The following ARL15 variants were observed in gnomAD, a reference collection of about 807,000 sequenced individuals.
The protein encoded by ARL15 is ADP-ribosylation factor-like protein 15.
A neutral mutation model predicts 25.2 loss-of-function variants in ARL15; 19 were observed. The observed-to-expected ratio is 0.75, with a 90% confidence interval of 0.53 to 1.10. The LOEUF (loss-of-function observed/expected upper bound fraction) is 1.10, where lower values mean the gene tolerates loss of function less well. ARL15 is among the 50% of genes least tolerant of loss of function. The pLI, the probability that ARL15 is intolerant of heterozygous loss-of-function variation, is 0.00. For synonymous variants in ARL15, 94 were observed against 86.8 expected (o/e 1.08, Z -0.46); for missense variants, 220 against 246.0 (o/e 0.89, Z 0.71).
intron 1 of ARL15, among the ~76,000 whole-genome samples, chr5:54,263,443 T>C (rs906982800): frequency 2.0e-5 from 3 of 152,096 alleles, no homozygotes; most frequent in African/African-American, 7.2e-5. Flanking sequence ...AATCACATAA[T>C]TTAAAAAGAT....
chr5:54,269,676 C>T (rs1481270222), intron 1 of ARL15, among the ~76,000 whole-genome samples: 2 of 152,082 alleles, frequency 1.3e-5, no homozygotes, highest in African/African-American at 4.8e-5. Flanking sequence ...GACGGTGTCT[C>T]GCACTGTCGC....
At chr5:53,991,268 A>G (rs976383689) in intron 4 of ARL15, among the ~76,000 whole-genome samples, 3 of 152,006 alleles carry the variant, frequency 2.0e-5, no homozygotes, top group Admixed American at 2.0e-4. Context: ...CAGGCCATGT[A>G]CGGTGGCTCA....
At chr5:54,292,561 T>C (rs1011324495) in intron 1 of ARL15, among the ~76,000 whole-genome samples, 1 of 152,198 alleles carries the variant, frequency 6.6e-6, no homozygotes, top group Non-Finnish European at 1.5e-5. Context: ...ACAGTTTGCA[T>C]TTCTGAGGGC....
At chr5:54,154,043 A>T (rs1371062796) in intron 3 of ARL15, among the ~76,000 whole-genome samples, 2 of 152,200 alleles carry the variant, frequency 1.3e-5, no homozygotes, top group African/African-American at 2.4e-5. Context: ...CATAAAACAC[A>T]ACCAAAAAAT....
intron 4 of ARL15, among the ~76,000 whole-genome samples, chr5:53,966,853 T>A (rs1259732094): frequency 6.6e-6 from 1 of 152,156 alleles, no homozygotes; most frequent in Non-Finnish European, 1.5e-5. Context: ...CATGCAGAAA[T>A]CTGTCCTCAG....
At chr5:54,268,219 A>G (rs1258461665) in intron 1 of ARL15, among the ~76,000 whole-genome samples, 2 of 151,590 alleles carry the variant, frequency 1.3e-5, no homozygotes, top group Admixed American at 1.3e-4. Context: ...CATTCATTTC[A>G]TCTTCCATCA....
intron 1 of ARL15, among the ~76,000 whole-genome samples, chr5:54,189,283 T>G (rs1331016235): frequency 6.6e-6 from 1 of 152,162 alleles, no homozygotes; most frequent in South Asian, 2.1e-4. Flanking sequence ...CTAAATAATT[T>G]TTTTATGGAA....
chr5:54,105,676 G>C (rs145064044), intron 4 of ARL15, among the ~76,000 whole-genome samples: 4 of 151,950 alleles, frequency 2.6e-5, no homozygotes, highest in Admixed American at 2.6e-4. Context: ...TCCACCTCCC[G>C]AGTTCAAGCA....
At chr5:54,269,709 G>C (rs771545825) in intron 1 of ARL15, among the ~76,000 whole-genome samples, 1 of 152,078 alleles carries the variant, frequency 6.6e-6, no homozygotes, top group Non-Finnish European at 1.5e-5. Flanking sequence ...GCGGTGGCGC[G>C]ATCTCGGCCC....
chr5:54,041,164 C>A (rs1224177822), intron 4 of ARL15, among the ~76,000 whole-genome samples: 2 of 152,190 alleles, frequency 1.3e-5, no homozygotes, highest in Non-Finnish European at 2.9e-5. Flanking sequence ...TCAGTCTCAT[C>A]AAATTGTGTA....
intron 1 of ARL15, among the ~76,000 whole-genome samples, chr5:54,292,700 G>GA (rs1404551751): frequency 6.6e-6 from 1 of 151,790 alleles, no homozygotes; most frequent in Non-Finnish European, 1.5e-5. Context: ...ACAAGAGAAG[G>GA]AAAAAAAGGC....
At position 54,145,015 on chromosome 5, in the gene ARL15, T is replaced by C. The variant is rs891547398; in HGVS notation, c.253+9565A>G. On this transcript the variant is annotated intron_variant, in intron 3 of 4. Transcript: ENST00000504924. ...CTGTACCTTTAGCTTTGTCTTGCTT[T>C]CTTTTCTTTGTTGAGGATTTAAATC... is the stretch of plus-strand genomic sequence containing the variant. Among the ~76,000 whole-genome samples, 10 of 152,372 alleles carry C rather than the reference T, an allele frequency of 6.6e-5. No individual in the cohort carries two copies. In the South Asian group the frequency reaches 2.1e-3, roughly 32 times the overall value.
intron 1 of ARL15, among the ~76,000 whole-genome samples, chr5:54,216,634 TAC>T (rs373445503): frequency 1.5e-4 from 22 of 150,194 alleles, no homozygotes; most frequent in East Asian, 3.9e-4. Context: ...TATGTATGTG[TAC>T]ACACACACAC....
intron 4 of ARL15, among the ~76,000 whole-genome samples, chr5:54,083,381 G>A (rs777738241): frequency 4.0e-5 from 6 of 151,846 alleles, no homozygotes; most frequent in Non-Finnish European, 8.8e-5. Flanking sequence ...ATTTTTAAGT[G>A]TTTCTCTTAA....
At chr5:54,084,980 G>A (rs1751918144) in intron 4 of ARL15, among the ~76,000 whole-genome samples, 2 of 152,174 alleles carry the variant, frequency 1.3e-5, no homozygotes, top group Non-Finnish European at 2.9e-5. Flanking sequence ...TTTGGCTAAT[G>A]TCTGAGTATA....
rs574304323 is a variant in ARL15, at chr5:54,054,997, C to T, written c.462+58205G>A. On this transcript the variant is annotated intron_variant, in intron 4 of 4. Coordinates refer to ENST00000504924, the MANE Select transcript of ARL15 (RefSeq NM_019087.3). ...TTTTTTAAAAAGGCATGTTGTGATA[C>T]AATTCACATACCACACAATTTATGC... Among the ~76,000 whole-genome samples the T allele has an allele frequency of 2.6e-5, 4 of 152,126 alleles. No homozygotes were observed. In the South Asian group the frequency reaches 8.3e-4, roughly 32 times the overall value.
At chr5:54,039,806 A>AT (rs1561198897) in intron 4 of ARL15, among the ~76,000 whole-genome samples, 1 of 150,552 alleles carries the variant, frequency 6.6e-6, no homozygotes, top group Non-Finnish European at 1.5e-5. Context: ...TGTCTAAAAA[A>AT]AAAAAAAAAA....
intron 2 of ARL15, among the ~76,000 whole-genome samples, chr5:54,161,434 A>T (rs978082741): frequency 6.6e-6 from 1 of 152,230 alleles, no homozygotes; most frequent in Non-Finnish European, 1.5e-5. Flanking sequence ...ATACATGTGC[A>T]TACCAATGCC....
chr5:54,059,514 C>T (rs150952187), intron 4 of ARL15, among the ~76,000 whole-genome samples: 1 of 152,250 alleles, frequency 6.6e-6, no homozygotes, highest in Non-Finnish European at 1.5e-5. Flanking sequence ...CCAGGATGCA[C>T]TGGTATTATA....
Sources: gnomAD v4.1 joint callset for allele counts (sites outside exome capture counted in the v4.1 genomes callset) on GRCh38, gnomAD v4.1.1 for gene constraint, MANE v1.5 for transcripts, NCBI Gene and HGNC (gene_info 2026-07-23, HGNC 2026-07-21) for gene names.